The following SLC17A6 variants were observed in gnomAD, a reference collection of about 807,000 sequenced individuals.
The protein encoded by SLC17A6 is vesicular glutamate transporter 2.
In SLC17A6, 35 loss-of-function variants were observed where a neutral mutation model predicts 67.1. That is an observed-to-expected ratio of 0.52 (90% CI 0.40 to 0.69). The LOEUF is 0.69. SLC17A6 is among the 30% of genes least tolerant of loss of function. The pLI, the probability that SLC17A6 is intolerant of heterozygous loss-of-function variation, is 0.00. For missense variants in SLC17A6, 588 were observed against 723.9 expected (o/e 0.81, Z 2.15); for synonymous variants, 285 against 252.3 (o/e 1.13, Z -1.23).
rs752639845 is a variant in SLC17A6 at position 22,377,662 on chromosome 11, T to C, written c.1671T>C (p.Gly557=). The part of the protein sequence containing the change: ...TTQANGGWPS[G]WEKKEEFVQG... ...AGGCCAATGGAGGTTGGCCTAGTGG[T>C]TGGGAAAAGAAAGAGGAATTTGTAC... Residue 557 remains glycine (G), a synonymous_variant, in exon 12 of 12, where the codon GGT becomes GGC. Transcript: ENST00000263160. 9 of 1,613,252 alleles carry C rather than the reference T, an allele frequency of 5.6e-6. No individual in the cohort carries two copies. Among genetic ancestry groups the C allele is most frequent in the South Asian group, 2.2e-5 (2 of 90,828 alleles).
intron 8 of SLC17A6, among the ~76,000 whole-genome samples, chr11:22,373,035 T>C (rs1382391008): frequency 6.6e-6 from 1 of 152,202 alleles, no homozygotes; most frequent in Non-Finnish European, 1.5e-5. Context: ...TCATTAACCC[T>C]GTAGATTTTT....
intron 7 of SLC17A6, among the ~76,000 whole-genome samples, chr11:22,366,103 A>AC (rs555515495): frequency 5.9e-5 from 9 of 151,624 alleles, no homozygotes; most frequent in Non-Finnish European, 1.2e-4. Flanking sequence ...CTATTCCAAG[A>AC]CCCCCCGGGT....
chr11:22,364,889 T>A lies in SLC17A6; in HGVS notation c.749-658T>A, dbSNP rs1192062744. ...TTACAGCTTAGGGCCTTGGAATTTA[T>A]AACTTTTGTCTGCCCAAAGAAGGAT... On this transcript the variant is annotated intron_variant, in intron 6 of 11. Coordinates refer to ENST00000263160, the MANE Select transcript of SLC17A6 (RefSeq NM_020346.3). Among the ~76,000 whole-genome samples, 4 of 152,162 alleles carry A rather than the reference T, an allele frequency of 2.6e-5. No individual in the cohort carries two copies. The South Asian group carries it at 8.3e-4, about 31-fold the overall frequency.
chr11:22,376,411 G>A, intron 10 of SLC17A6, 134 bp from the exon 11 acceptor site: 2 of 950,940 alleles, frequency 2.1e-6, no homozygotes, highest in Non-Finnish European at 3.1e-6. Flanking sequence ...ATCCCCGAGA[G>A]AAATTATCAC....
chr11:22,362,189 C>G, intron 5 of SLC17A6: 1 of 387,792 alleles, frequency 2.6e-6, no homozygotes, highest in Non-Finnish European at 5.1e-6. Context: ...AACAAATTTG[C>G]CATAGGGGAA....
chr11:22,345,152 T>C (rs950604875), intron 3 of SLC17A6, among the ~76,000 whole-genome samples: 3 of 151,952 alleles, frequency 2.0e-5, no homozygotes, highest in Non-Finnish European at 2.9e-5. Flanking sequence ...CCAGGGATGC[T>C]CCAGCTTTTC....
chr11:22,366,106 C>T (rs558255495), intron 7 of SLC17A6, among the ~76,000 whole-genome samples: 2 of 152,116 alleles, frequency 1.3e-5, no homozygotes, highest in East Asian at 1.9e-4. Flanking sequence ...TTCCAAGACC[C>T]CCCGGGTTGC....
chr11:22,365,742 T>C (rs1856104926), intron 7 of SLC17A6, 53 bp downstream of exon 7: 4 of 1,538,312 alleles, frequency 2.6e-6, no homozygotes, highest in African/African-American at 2.8e-5. Context: ...CTCGCCCCCA[T>C]TGACCAACCA....
chr11:22,351,346 A>G (rs974317772), intron 3 of SLC17A6, among the ~76,000 whole-genome samples: 12 of 152,132 alleles, frequency 7.9e-5, no homozygotes, highest in Non-Finnish European at 1.2e-4. Flanking sequence ...CTAAATAGAT[A>G]ATTATATCTA....
At position 22,377,389 on chromosome 11, in the gene SLC17A6, C is replaced by CT; in HGVS notation, c.1414-11dup. 6.3e-7 allele frequency: 1 copy of CT among 1,585,334 alleles called. No individual in the cohort carries two copies. The highest frequency in any genetic ancestry group is 8.6e-7 in the Non-Finnish European group (1 of 1,163,310). On this transcript the variant is annotated splice_polypyrimidine_tract_variant and intron_variant, in intron 11 of 11. Coordinates refer to ENST00000263160, the MANE Select transcript of SLC17A6 (RefSeq NM_020346.3). The stretch of plus-strand genomic sequence containing the variant: ...TGGGGAGTCAGTTCTCACAGTGCTG[C>CT]TTTTTCTCACTGCAGTCACGTGAAG...
rs1475267484 is a variant in SLC17A6, at chr11:22,377,687, C to A, written c.1696C>A (p.Gln566Lys). The A allele has an allele frequency of 2.5e-6, 4 of 1,612,016 alleles. No individual in the cohort carries two copies. The East Asian group carries it at 6.7e-5, about 27-fold the overall frequency. ...SGWEKKEEFV[Q>K]GEVQDSHSYK... ...TTGGGAAAAGAAAGAGGAATTTGTA[C>A]AAGGAGAAGTACAAGACTCACATAG... Residue 566 changes from glutamine (Q) to lysine (K), a missense_variant, in exon 12 of 12, where the codon CAA becomes AAA. By Grantham distance (53) the Gln-to-Lys change is moderately conservative. Transcript: ENST00000263160.
chr11:22,374,441 T>C (rs1039130789), intron 8 of SLC17A6, among the ~76,000 whole-genome samples: 1 of 152,144 alleles, frequency 6.6e-6, no homozygotes, highest in Non-Finnish European at 1.5e-5. Context: ...TTTCCTCTCT[T>C]TCACTAAGGG....
In SLC17A6 at chr11:22,377,861, A is replaced by C; in HGVS notation, c.*121A>C. 1 of 833,738 alleles carries C rather than the reference A, an allele frequency of 1.2e-6. No individual in the cohort carries two copies. Among genetic ancestry groups the C allele is most frequent in the South Asian group, 2.1e-5 (1 of 47,724 alleles). 51.6% of individuals were successfully genotyped at this position (833,738 alleles called of 1,614,324 possible). Reference sequence around the variant, plus strand: ...TATCAACCAGGCAAGTCTTGCTGTAAAAATGAAAACAAAACAAACCCATGA... The same window carrying C: ...TATCAACCAGGCAAGTCTTGCTGTACAAATGAAAACAAAACAAACCCATGA... On this transcript the variant is annotated 3_prime_UTR_variant, in exon 12 of 12. Transcript: ENST00000263160.
At chr11:22,349,247 C>T (rs1855910702) in intron 3 of SLC17A6, among the ~76,000 whole-genome samples, 1 of 152,164 alleles carries the variant, frequency 6.6e-6, no homozygotes, top group Non-Finnish European at 1.5e-5. Context: ...GGACCACCAT[C>T]CTGTTCCAGT....
intron 7 of SLC17A6, 127 bp from the exon 8 acceptor site, chr11:22,369,912 A>T (rs909591567): frequency 1.3e-6 from 1 of 793,538 alleles, no homozygotes; most frequent in African/African-American, 1.8e-5. Flanking sequence ...TTAATGCTTC[A>T]CTACATCTTC....
intron 5 of SLC17A6, 42 bp from the exon 6 acceptor site, chr11:22,362,697 C>A: frequency 2.0e-6 from 3 of 1,474,022 alleles, no homozygotes; most frequent in East Asian, 2.3e-5. Flanking sequence ...ATAATTTCTA[C>A]TGATTTCACT....
intron 8 of SLC17A6, among the ~76,000 whole-genome samples, chr11:22,370,837 A>G (rs562652939): frequency 6.8e-6 from 1 of 147,694 alleles, no homozygotes; most frequent in African/African-American, 2.7e-5. Context: ...TTCCACAGAC[A>G]TTTGTTCAGA....
chr11:22,345,540 T>C (rs1023596695), intron 3 of SLC17A6, among the ~76,000 whole-genome samples: 34 of 152,128 alleles, frequency 2.2e-4, no homozygotes, highest in Non-Finnish European at 1.5e-5. Context: ...TAATCTTACC[T>C]TTAAATGGGT....
intron 9 of SLC17A6, among the ~76,000 whole-genome samples, chr11:22,375,714 G>C (rs1028535925): frequency 2.0e-5 from 3 of 151,988 alleles, no homozygotes; most frequent in African/African-American, 7.2e-5. Flanking sequence ...TCCTGACCTA[G>C]GGTGATCTGC....
Sources: gnomAD v4.1 joint callset for allele counts (sites outside exome capture counted in the v4.1 genomes callset) on GRCh38, gnomAD v4.1.1 for gene constraint, MANE v1.5 for transcripts, NCBI Gene and HGNC (gene_info 2026-07-23, HGNC 2026-07-21) for gene names.